ATF7IP2: variants seen among roughly 807,000 people sequenced by gnomAD.
ATF7IP2 encodes activating transcription factor 7-interacting protein 2.
Under a neutral mutation model 64.2 loss-of-function variants are expected in ATF7IP2, and 42 were observed. The ratio of observed to expected loss-of-function variants is 0.65; its 90% CI spans 0.51 to 0.85. ATF7IP2 has a LOEUF of 0.85. Ranked by LOEUF, ATF7IP2 falls within the 40% of genes least tolerant of loss-of-function variation. The pLI is 0.00. For missense variants in ATF7IP2, 933 were observed against 784.2 expected, an observed-to-expected ratio of 1.19 and a Z score of -2.27; for synonymous variants, 308 against 272.8, an observed-to-expected ratio of 1.13 and a Z score of -1.27.
chr16:10,436,217 C>G (rs1476982609), intron 6 of ATF7IP2, among the ~76,000 whole-genome samples: 1 of 152,164 alleles, frequency 6.6e-6, no homozygotes. Context: ...TAAAAATTAG[C>G]TGGACATGGT....
intron 1 of ATF7IP2, among the ~76,000 whole-genome samples, chr16:10,400,302 A>G (rs913624932): frequency 1.3e-5 from 2 of 152,166 alleles, no homozygotes; most frequent in Non-Finnish European, 2.9e-5. Flanking sequence ...TGGCCTCCCA[A>G]AGTGTTGGGA....
chr16:10,452,565 T>A (rs1451867514), intron 8 of ATF7IP2, among the ~76,000 whole-genome samples: 2 of 152,098 alleles, frequency 1.3e-5, no homozygotes, highest in Non-Finnish European at 2.9e-5. Context: ...TGTCTCCCAG[T>A]CAGGATACAC....
At chr16:10,457,177 T>C in intron 8 of ATF7IP2, 195 bp from the exon 9 acceptor site, 1 of 506,852 alleles carries the variant, frequency 2.0e-6, no homozygotes, top group Non-Finnish European at 3.4e-6. Flanking sequence ...TACCATCATT[T>C]TTATTTCTTC....
chr16:10,440,554 G>T (rs2048580592), intron 8 of ATF7IP2, 92 bp downstream of exon 8: 1 of 768,206 alleles, frequency 1.3e-6, no homozygotes, highest in African/African-American at 1.8e-5. Flanking sequence ...GGCTAGGACA[G>T]AAGGTGTAAA....
intron 1 of ATF7IP2, among the ~76,000 whole-genome samples, chr16:10,411,995 C>G (rs1352299203): frequency 1.1e-4 from 3 of 27,032 alleles, no homozygotes; most frequent in African/African-American, 3.6e-4. Context: ...CTTTTTGTTT[C>G]ATTTATCTTT....
At chr16:10,467,330 T>C (rs1272906815) in intron 9 of ATF7IP2, among the ~76,000 whole-genome samples, 3 of 152,180 alleles carry the variant, frequency 2.0e-5, no homozygotes, top group Non-Finnish European at 2.9e-5. Flanking sequence ...CAAATAGCAA[T>C]AATTTGAAGT....
chr16:10,461,337 T>A (rs2049368776), intron 9 of ATF7IP2, among the ~76,000 whole-genome samples: 1 of 152,146 alleles, frequency 6.6e-6, no homozygotes, highest in South Asian at 2.1e-4. Flanking sequence ...GTCCCAGCTC[T>A]TGATATATCC....
chr16:10,481,520 G>T (rs1343924812), intron 13 of ATF7IP2, among the ~76,000 whole-genome samples: 1 of 152,150 alleles, frequency 6.6e-6, no homozygotes, highest in African/African-American at 2.4e-5. Flanking sequence ...CCTGACCTCA[G>T]GTGAGGCAAT....
At chr16:10,464,578 C>T (rs943475048) in intron 9 of ATF7IP2, among the ~76,000 whole-genome samples, 2 of 152,164 alleles carry the variant, frequency 1.3e-5, no homozygotes, top group African/African-American at 4.8e-5. Flanking sequence ...AAGGAAATGC[C>T]TTTATGTGCA....
chr16:10,428,753 G>C (rs1162452852), intron 3 of ATF7IP2, 115 bp from the exon 4 acceptor site: 1 of 152,174 alleles, frequency 6.6e-6, no homozygotes, highest in East Asian at 1.9e-4. Context: ...AAAATTTTAA[G>C]TGTAGGATTT....
At chr16:10,467,573 AT>A (rs112151440) in intron 9 of ATF7IP2, among the ~76,000 whole-genome samples, 2,313 of 144,630 alleles carry the variant, frequency 0.016, 43 homozygotes, top group African/African-American at 0.049. Context: ...AGAAAAATCA[AT>A]TTTTTTTTTT....
chr16:10,475,554 G>C (rs1454696435), intron 12 of ATF7IP2, among the ~76,000 whole-genome samples: 1 of 151,686 alleles, frequency 6.6e-6, no homozygotes, highest in Admixed American at 6.6e-5. Context: ...TTAGCCGGGT[G>C]TGGTGGCGGG....
intron 1 of ATF7IP2, among the ~76,000 whole-genome samples, chr16:10,391,930 G>C (rs1429807592): frequency 1.3e-5 from 2 of 151,608 alleles, no homozygotes; most frequent in Non-Finnish European, 2.9e-5. Context: ...CAGCACTACA[G>C]GTATTACACA....
At position 10,414,583 on chromosome 16, in the gene ATF7IP2, G is replaced by C. The variant is rs1036139549; in HGVS notation, c.-232G>C. On this transcript the variant is annotated 5_prime_UTR_variant, in exon 2 of 14. Coordinates refer to ENST00000562102, the MANE Select transcript of ATF7IP2 (RefSeq NM_001393719.1). ...CTGAATTCTTTTTCAGGTAAATCAG[G>C]GATTTCTTCTTGGTTTGGATCCACT... The C allele has an allele frequency of 7.4e-6, 1 of 134,946 alleles. No individual in the cohort carries two copies. Among genetic ancestry groups the C allele is most frequent in the African/African-American group, 2.7e-5 (1 of 36,764 alleles). The allele number at this position is 134,946 out of a possible 1,614,324, so 8.4% of individuals were successfully genotyped here. A position where few individuals can be genotyped will look rare whatever the true frequency, so the allele number is the denominator to read the frequency against.
At chr16:10,406,410 T>G (rs1366698488) in intron 1 of ATF7IP2, among the ~76,000 whole-genome samples, 2 of 152,024 alleles carry the variant, frequency 1.3e-5, no homozygotes, top group Admixed American at 1.3e-4. Flanking sequence ...CCAGCCAACC[T>G]AAAATAATTA....
intron 9 of ATF7IP2, among the ~76,000 whole-genome samples, chr16:10,461,922 G>A (rs2049386587): frequency 6.6e-6 from 1 of 152,012 alleles, no homozygotes; most frequent in African/African-American, 2.4e-5. Flanking sequence ...TGATGTGTGT[G>A]GATTTATAAT....
At chr16:10,450,402 A>G (rs554688471) in intron 8 of ATF7IP2, among the ~76,000 whole-genome samples, 1 of 152,272 alleles carries the variant, frequency 6.6e-6, no homozygotes, top group South Asian at 2.1e-4. Flanking sequence ...TCTGTCTGAT[A>G]TTGACAGTGC....
chr16:10,395,873 C>T (rs994567305), intron 1 of ATF7IP2, among the ~76,000 whole-genome samples: 1 of 152,088 alleles, frequency 6.6e-6, no homozygotes, highest in Non-Finnish European at 1.5e-5. Flanking sequence ...TGGACCCCTC[C>T]TGGCATTTCT....
intron 9 of ATF7IP2, among the ~76,000 whole-genome samples, chr16:10,469,085 T>C (rs2049690436): frequency 6.6e-6 from 1 of 152,252 alleles, no homozygotes; most frequent in South Asian, 2.1e-4. Flanking sequence ...ACAGCATAAA[T>C]TTTACAATAT....
Sources: allele counts gnomAD v4.1 joint callset (sites outside exome capture counted in the v4.1 genomes callset), GRCh38; gene constraint gnomAD v4.1.1; transcripts MANE v1.5; gene names NCBI Gene and HGNC (gene_info 2026-07-23, HGNC 2026-07-21).